ST3GAL1: variants seen among roughly 807,000 people sequenced by gnomAD.
ST3GAL1 encodes the protein ST3 beta-galactoside alpha-2,3-sialyltransferase 1, also known as CMP-N-acetylneuraminate-beta-galactosamide-alpha-2,3-sialyltransferase 1.
Under a neutral mutation model 34.1 loss-of-function variants are expected in ST3GAL1, and 16 were observed. The observed-to-expected ratio is 0.47, with a 90% confidence interval of 0.32 to 0.71. The LOEUF (loss-of-function observed/expected upper bound fraction) is 0.71, where lower values mean the gene tolerates loss of function less well. Ranked by LOEUF, ST3GAL1 falls within the 30% of genes least tolerant of loss-of-function variation. The pLI is 0.04. For synonymous variants in ST3GAL1, 191 were observed against 184.7 expected (o/e 1.03, Z -0.28); for missense variants, 353 against 447.4 (o/e 0.79, Z 1.90).
rs766061774 is a variant in ST3GAL1, at chr8:133,469,016, C to T, written c.307-2926G>A. Among the ~76,000 whole-genome samples the T allele has an allele frequency of 1.3e-5, 2 of 152,238 alleles. No individual in the cohort carries two copies. The highest frequency in any genetic ancestry group is 1.9e-4 in the East Asian group (1 of 5,172). On this transcript the variant is annotated intron_variant, in intron 5 of 9. Transcript: ENST00000522652. This position sits in a 1 kb window ranked among gnomAD's most constrained non-coding sequence, Gnocchi z 4.3. ...CTACTTTGATTTGGGAGCCTGGCAC[C>T]GTGTATCCATCATGCAGTGACATTT...
chr8:133,520,949 T>C (rs1385058683), intron 2 of ST3GAL1, among the ~76,000 whole-genome samples: 3 of 136,292 alleles, frequency 2.2e-5, no homozygotes, highest in Non-Finnish European at 4.7e-5. Context: ...TTTTTGTTTT[T>C]GTGGGTTGTT....
intron 1 of ST3GAL1, among the ~76,000 whole-genome samples, chr8:133,569,281 GAGA>G: frequency 6.6e-6 from 1 of 152,304 alleles, no homozygotes; most frequent in Non-Finnish European, 1.5e-5. Context: ...AAGGCAAGAG[GAGA>G]AGGAGCCCTC....
intron 2 of ST3GAL1, among the ~76,000 whole-genome samples, chr8:133,520,850 C>A (rs549390101): frequency 1.3e-5 from 2 of 150,708 alleles, no homozygotes; most frequent in Non-Finnish European, 1.5e-5. Flanking sequence ...CAGCTCACTG[C>A]AACCTCTGCC....
At chr8:133,562,850 C>CTTTCTTT (rs1280055256) in intron 1 of ST3GAL1, among the ~76,000 whole-genome samples, 1 of 106,338 alleles carries the variant, frequency 9.4e-6, no homozygotes, top group African/African-American at 3.9e-5. Flanking sequence ...TCCTTTCTTT[C>CTTTCTTT]TTTTTTTTTT....
At chr8:133,521,339 C>T (rs76107155) in intron 2 of ST3GAL1, among the ~76,000 whole-genome samples, 1 of 151,984 alleles carries the variant, frequency 6.6e-6, no homozygotes, top group South Asian at 2.1e-4. Context: ...TGCTCTATTG[C>T]CCAGGCTAGA....
chr8:133,507,786 G>A (rs553273560), intron 2 of ST3GAL1, among the ~76,000 whole-genome samples: 2 of 152,324 alleles, frequency 1.3e-5, no homozygotes, highest in South Asian at 4.2e-4. Flanking sequence ...ACCTGGAAAG[G>A]CAGGTTTCAG....
chr8:133,540,822 T>TAG (rs1563734009), intron 2 of ST3GAL1, among the ~76,000 whole-genome samples: 10 of 76,864 alleles, frequency 1.3e-4, no homozygotes, highest in East Asian at 2.3e-4. Flanking sequence ...CATATATATA[T>TAG]AGACATATAT....
At chr8:133,478,908 TG>T (rs1816279987) in intron 3 of ST3GAL1, among the ~76,000 whole-genome samples, 1 of 152,150 alleles carries the variant, frequency 6.6e-6, no homozygotes, top group Non-Finnish European at 1.5e-5. Flanking sequence ...GCTTGGGTCA[TG>T]AAGAAACCCA....
intron 3 of ST3GAL1, among the ~76,000 whole-genome samples, chr8:133,498,795 G>C (rs1436917368): frequency 6.6e-6 from 1 of 152,152 alleles, no homozygotes; most frequent in Non-Finnish European, 1.5e-5. Context: ...CTGGTTCCTA[G>C]AGCTCCTGAG....
intron 1 of ST3GAL1, among the ~76,000 whole-genome samples, chr8:133,557,904 CAAAAAAAAAA>C (rs543479046): frequency 1.5e-5 from 1 of 65,386 alleles, no homozygotes; most frequent in Non-Finnish European, 3.7e-5. Context: ...GACTCCGTCT[CAAAAAAAAAA>C]AAAAAAAAAA....
At chr8:133,486,502 G>T (rs1218712697) in intron 3 of ST3GAL1, among the ~76,000 whole-genome samples, 1 of 152,218 alleles carries the variant, frequency 6.6e-6, no homozygotes, top group Admixed American at 6.5e-5. Context: ...CCTGGGTCAG[G>T]AAGGATCAGC....
At position 133,534,200 on chromosome 8, in the gene ST3GAL1, C is replaced by T. The variant is rs75564344; in HGVS notation, c.-429+11574G>A. ...CCAGACCCAAAGGCCTTCCCTTCGT[C>T]CTCTTCTTCTGACACCCAATCCTCC... is the stretch of plus-strand genomic sequence containing the variant. On this transcript the variant is annotated intron_variant, in intron 2 of 9. Transcript: ENST00000522652. Among the ~76,000 whole-genome samples, 2,724 of 152,240 alleles carry T rather than the reference C, an allele frequency of 0.018. 142 individuals carry two copies. In the East Asian group the frequency reaches 0.2, roughly 11 times the overall value.
chr8:133,500,226 A>G (rs560718752), intron 2 of ST3GAL1, among the ~76,000 whole-genome samples: 1 of 152,056 alleles, frequency 6.6e-6, no homozygotes, highest in South Asian at 2.1e-4. Flanking sequence ...AGCTGTTAAG[A>G]CCGCCTGGGC....
chr8:133,541,118 T>TAGAGAGAGAGAGAGAGAG lies in ST3GAL1; in HGVS notation c.-429+4655_-429+4656insCTCTCTCTCTCTCTCTCT, dbSNP rs1243400532. Among the ~76,000 whole-genome samples the TAGAGAGAGAGAGAGAGAG allele has an allele frequency of 7.4e-3, 385 of 52,096 alleles. 9 individuals carry two copies. Among genetic ancestry groups the TAGAGAGAGAGAGAGAGAG allele is most frequent in the Non-Finnish European group, 0.01 (299 of 29,328 alleles). 34.2% of individuals were successfully genotyped at this position (52,096 alleles called of 152,430 possible). A position where few individuals can be genotyped will look rare whatever the true frequency, so the allele number is the denominator to read the frequency against. On this transcript the variant is annotated intron_variant, in intron 2 of 9. Transcript: ENST00000522652. ...AAACATATATATATATATATATATATATAGAGAGAGAGAGAGAGAGAGAGA... is the reference window on the plus strand; with the variant it reads ...AAACATATATATATATATATATATATAGAGAGAGAGAGAGAGAGATAGAGAGAGAGAGAGAGAGAGAGA...
At chr8:133,489,892 C>T (rs1816735674) in intron 3 of ST3GAL1, among the ~76,000 whole-genome samples, 2 of 152,040 alleles carry the variant, frequency 1.3e-5, no homozygotes, top group African/African-American at 4.8e-5. Flanking sequence ...TCAAAGAATC[C>T]TCATTGTTTG....
Position 133,466,544 on chromosome 8 carries a change from C to A in ST3GAL1, c.307-454G>T, listed in dbSNP as rs1413733241. On this transcript the variant is annotated intron_variant, in intron 5 of 9. Transcript: ENST00000522652. The surrounding 1 kb of genome is among the most constrained non-coding windows in gnomAD (Gnocchi z 4.4). ...CTTCTAGCTGTGTCTTACTCCCACC[C>A]TGCTCAGACACCAGGGCCCAGGGGT... Among the ~76,000 whole-genome samples, 1 of 152,200 alleles carries A rather than the reference C, an allele frequency of 6.6e-6. No homozygotes were observed. Among genetic ancestry groups the A allele is most frequent in the Non-Finnish European group, 1.5e-5 (1 of 68,040 alleles).
chr8:133,544,362 T>C (rs1818619643), intron 2 of ST3GAL1, among the ~76,000 whole-genome samples: 1 of 152,222 alleles, frequency 6.6e-6, no homozygotes, highest in African/African-American at 2.4e-5. Flanking sequence ...CTGTCTATCG[T>C]ATAGAACTGG....
intron 1 of ST3GAL1, among the ~76,000 whole-genome samples, chr8:133,551,693 A>C (rs1818870933): frequency 6.6e-6 from 1 of 152,244 alleles, no homozygotes; most frequent in African/African-American, 2.4e-5. Context: ...ACTACTTTGC[A>C]GGGCTCTGAT....
Position 133,547,018 on chromosome 8 carries a change from A to AG in ST3GAL1, c.-581-1093_-581-1092insC, listed in dbSNP as rs1554619446. Among the ~76,000 whole-genome samples the AG allele has an allele frequency of 1.0e-4, 15 of 147,724 alleles. 1 individual carries two copies. The highest frequency in any genetic ancestry group is 2.0e-4 in the African/African-American group (8 of 39,882). On this transcript the variant is annotated intron_variant, in intron 1 of 9. Transcript: ENST00000522652. ...ACTCCATCTCAGGAAAAAAAAAAAA[A>AG]AAGACTTCATCTGACAGGAAGAATA...
Sources: allele counts gnomAD v4.1 joint callset (sites outside exome capture counted in the v4.1 genomes callset), GRCh38; gene constraint gnomAD v4.1.1; non-coding constraint Gnocchi (gnomAD v3.1); transcripts MANE v1.5; gene names NCBI Gene and HGNC (gene_info 2026-07-23, HGNC 2026-07-21).